Variants in OSBPL10 observed in about 807,000 individuals in gnomAD.
OSBPL10 encodes the protein oxysterol binding protein like 10.
In OSBPL10, 49 loss-of-function variants were observed where a neutral mutation model predicts 81.7. The observed-to-expected ratio is 0.60, with a 90% CI of 0.48 to 0.76. OSBPL10 has a LOEUF of 0.76. OSBPL10 is among the 30% of genes least tolerant of loss of function. The pLI is 0.00. For missense variants in OSBPL10, 923 were observed against 987.8 expected, an observed-to-expected ratio of 0.93 and a Z score of 0.88; for synonymous variants, 419 against 383.6, an observed-to-expected ratio of 1.09 and a Z score of -1.08.
intron 3 of OSBPL10, among the ~76,000 whole-genome samples, chr3:31,848,353 G>A (rs989688392): frequency 6.6e-6 from 1 of 151,188 alleles, no homozygotes; most frequent in Non-Finnish European, 1.5e-5. Context: ...CCCCCAGTTA[G>A]TTCAAATACA....
At chr3:31,921,740 T>C (rs947116691) in intron 1 of OSBPL10, among the ~76,000 whole-genome samples, 5 of 152,154 alleles carry the variant, frequency 3.3e-5, no homozygotes, top group South Asian at 2.1e-4. Context: ...AGGTTGAGCA[T>C]AGGGACTTTC....
chr3:31,872,178 G>A (rs772545067), intron 3 of OSBPL10, among the ~76,000 whole-genome samples: 1 of 152,156 alleles, frequency 6.6e-6, no homozygotes, highest in Non-Finnish European at 1.5e-5. Context: ...GGAGAAAAGG[G>A]AGATTTTGTC....
At chr3:31,800,375 G>C (rs752418360) in intron 4 of OSBPL10, among the ~76,000 whole-genome samples, 2 of 152,168 alleles carry the variant, frequency 1.3e-5, no homozygotes, top group African/African-American at 2.4e-5. Context: ...GGAGAACAGA[G>C]AAAAAGTACT....
At chr3:31,838,735 C>CT (rs1204914392) in intron 3 of OSBPL10, among the ~76,000 whole-genome samples, 2 of 151,582 alleles carry the variant, frequency 1.3e-5, no homozygotes, top group African/African-American at 4.9e-5. Context: ...AAAAAAATTA[C>CT]TTTTTAATAT....
intron 2 of OSBPL10, among the ~76,000 whole-genome samples, chr3:32,010,009 G>C (rs1476726961): frequency 6.6e-6 from 1 of 152,174 alleles, no homozygotes; most frequent in Non-Finnish European, 1.5e-5. Flanking sequence ...TTGGAGACAG[G>C]ATCTTTGCAA....
chr3:32,075,807 A>G (rs1266394144), intron 1 of OSBPL10, among the ~76,000 whole-genome samples: 1 of 152,328 alleles, frequency 6.6e-6, no homozygotes, highest in South Asian at 2.1e-4. Context: ...CTAAGCCATC[A>G]TATCCCCTGT....
chr3:31,677,785 A>G (rs1559410996), intron 8 of OSBPL10, among the ~76,000 whole-genome samples: 1 of 152,156 alleles, frequency 6.6e-6, no homozygotes, highest in Admixed American at 6.5e-5. Flanking sequence ...AACGGCCAAC[A>G]TAAGACAGAG....
chr3:31,995,124 G>A (rs1244690143), intron 2 of OSBPL10, among the ~76,000 whole-genome samples: 1 of 152,092 alleles, frequency 6.6e-6, no homozygotes, highest in African/African-American at 2.4e-5. Flanking sequence ...TCCTGGTAAG[G>A]GTCTATGTTC....
intron 4 of OSBPL10, among the ~76,000 whole-genome samples, chr3:31,791,656 T>TC (rs900494500): frequency 2.6e-5 from 4 of 152,002 alleles, no homozygotes; most frequent in Admixed American, 6.6e-5. Flanking sequence ...GTTTTTTTTT[T>TC]CCACAAAGCT....
At chr3:32,011,961 A>C (rs1276389571) in intron 2 of OSBPL10, among the ~76,000 whole-genome samples, 5 of 152,238 alleles carry the variant, frequency 3.3e-5, no homozygotes, top group South Asian at 4.1e-4. Context: ...CCGAATCTAC[A>C]TCTGATTGGT....
intron 1 of OSBPL10, among the ~76,000 whole-genome samples, chr3:31,960,965 A>G (rs1490858550): frequency 6.6e-6 from 1 of 151,778 alleles, no homozygotes; most frequent in African/African-American, 2.4e-5. Flanking sequence ...AAAGCTGCCC[A>G]AAAAATGGTG....
chr3:31,879,095 TTTTTC>T (rs1413552382), intron 2 of OSBPL10, among the ~76,000 whole-genome samples: 1 of 149,460 alleles, frequency 6.7e-6, no homozygotes, highest in East Asian at 1.9e-4. Context: ...CATTTTCTTT[TTTTTC>T]TTTATTAAAG....
chr3:31,947,242 C>A (rs1697727896), intron 1 of OSBPL10, among the ~76,000 whole-genome samples: 1 of 152,122 alleles, frequency 6.6e-6, no homozygotes, highest in Non-Finnish European at 1.5e-5. Flanking sequence ...AGACCAGGAT[C>A]CCATCTGCAG....
intron 4 of OSBPL10, among the ~76,000 whole-genome samples, chr3:31,806,604 C>T (rs35158456): frequency 0.19 from 29,259 of 152,092 alleles, 2,794 homozygotes; most frequent in African/African-American, 0.22. Context: ...TAGTGTGGGA[C>T]ACAGGCAATG....
At chr3:31,775,400 G>A (rs1698522032) in intron 4 of OSBPL10, among the ~76,000 whole-genome samples, 1 of 152,088 alleles carries the variant, frequency 6.6e-6, no homozygotes. Context: ...GGGGTAAAAA[G>A]CTGTTGGAGT....
chr3:31,956,182 C>T (rs1003560394), intron 1 of OSBPL10, among the ~76,000 whole-genome samples: 1 of 152,190 alleles, frequency 6.6e-6, no homozygotes, highest in African/African-American at 2.4e-5. Context: ...CTAAATGGCT[C>T]TGATCCTGCC....
chr3:31,723,840 C>T (rs1575501462), intron 6 of OSBPL10, among the ~76,000 whole-genome samples: 1 of 152,112 alleles, frequency 6.6e-6, no homozygotes, highest in African/African-American at 2.4e-5. Flanking sequence ...CTTTAGAAGG[C>T]GAGCATCATC....
At chr3:31,867,423 C>T (rs1407526029) in intron 3 of OSBPL10, among the ~76,000 whole-genome samples, 2 of 152,132 alleles carry the variant, frequency 1.3e-5, no homozygotes, top group Non-Finnish European at 2.9e-5. Flanking sequence ...TTTATTTTCT[C>T]AATTTCCCAC....
At chr3:31,943,785 G>A (rs1352492104) in intron 1 of OSBPL10, among the ~76,000 whole-genome samples, 2 of 151,788 alleles carry the variant, frequency 1.3e-5, no homozygotes, top group Non-Finnish European at 2.9e-5. Context: ...GGCCAATAGG[G>A]TGAAACCCCG....
Sources: gnomAD v4.1 joint callset for allele counts (sites outside exome capture counted in the v4.1 genomes callset) on GRCh38, gnomAD v4.1.1 for gene constraint, MANE v1.5 for transcripts, NCBI Gene and HGNC (gene_info 2026-07-23, HGNC 2026-07-21) for gene names.